Variants in PCNT observed in about 807,000 individuals in gnomAD.
PCNT encodes kendrin.
Under a neutral mutation model 380.4 loss-of-function variants are expected in PCNT, and 319 were observed. The observed-to-expected ratio is 0.84, with a 90% CI of 0.77 to 0.92. PCNT has a LOEUF of 0.92. Among genes scored for constraint, PCNT ranks in the 40% least tolerant of loss-of-function variants. The pLI, the probability that PCNT is intolerant of heterozygous loss-of-function variation, is 0.00. For synonymous variants in PCNT, 1,845 were observed against 1,735.2 expected (o/e 1.06, Z -1.57); for missense variants, 4,400 against 4,255.3 (o/e 1.03, Z -0.95).
intron 1 of PCNT, among the ~76,000 whole-genome samples, chr21:46,324,674 G>C (rs1361459687): frequency 6.6e-6 from 1 of 151,938 alleles, no homozygotes; most frequent in African/African-American, 2.4e-5. Flanking sequence ...GGCGCGGCAG[G>C]CGCTGGACCC....
At chr21:46,409,041 G>C (rs2086701956) in intron 27 of PCNT, among the ~76,000 whole-genome samples, 1 of 151,886 alleles carries the variant, frequency 6.6e-6, no homozygotes, top group Non-Finnish European at 1.5e-5. Flanking sequence ...GTTTTAAAAA[G>C]TTGGATTGTT....
intron 21 of PCNT, chr21:46,394,523 A>G: frequency 1.0e-6 from 1 of 985,324 alleles, no homozygotes; most frequent in Non-Finnish European, 1.2e-6. Context: ...TCACTGCAGC[A>G]CACAAGGACT....
chr21:46,425,708 C>T lies in PCNT; in HGVS notation c.7180-123C>T. On this transcript the variant is annotated intron_variant, in intron 32 of 46. Coordinates refer to ENST00000359568, the MANE Select transcript of PCNT (RefSeq NM_006031.6). This position sits in a 1 kb window ranked among gnomAD's most constrained non-coding sequence, Gnocchi z 4.2. ...GCCTGTACGAAGCCGAGGCGGTGCC[C>T]TCCCTCTCCACAGCTGCCCGCCCTT... 2 of 1,417,956 alleles carry T rather than the reference C, an allele frequency of 1.4e-6. No individual in the cohort carries two copies. Among genetic ancestry groups the T allele is most frequent in the Admixed American group, 1.7e-5 (1 of 59,494 alleles). 87.8% of individuals were successfully genotyped at this position (1,417,956 alleles called of 1,614,324 possible).
chr21:46,335,821 G>C (rs1430163165), intron 3 of PCNT, among the ~76,000 whole-genome samples: 6 of 151,766 alleles, frequency 4.0e-5, no homozygotes, highest in Admixed American at 3.9e-4. Context: ...AAGTAGCTGT[G>C]ATTATAAGCA....
At position 46,411,972 on chromosome 21, in the gene PCNT, C is replaced by G. The variant is rs1373576756; in HGVS notation, c.5899C>G (p.Gln1967Glu). ...CACACGGGTGCCCGGGGCCCACCCACAGCCTCGCATGGATGGTGGCGCCAA... is the reference window on the plus strand; with the variant it reads ...CACACGGGTGCCCGGGGCCCACCCAGAGCCTCGCATGGATGGTGGCGCCAA... ...AHTRVPGAHP[Q>E]PRMDGGAKAQ... The change falls in exon 28 of 47, where the codon CAG (glutamine) becomes GAG (glutamate). Residue 1967 changes from glutamine to glutamate, a missense_variant. Transcript: ENST00000359568. The G allele has an allele frequency of 2.5e-6, 4 of 1,602,056 alleles. No homozygotes were observed. In the South Asian group the frequency reaches 4.4e-5, roughly 18 times the overall value.
rs777772560 is a variant in PCNT at position 46,431,771 on chromosome 21, G to A, written c.8307G>A (p.Glu2769=). The change falls in exon 38 of 47, where the codon GAG becomes GAA. Residue 2769 remains glutamate (E), a synonymous_variant. Coordinates refer to ENST00000359568, the MANE Select transcript of PCNT (RefSeq NM_006031.6). ...TGCGGCACGAGCGGCTCCTGACCGAGCAGCTGAGCCAGAGGACACAGGAGG... is the reference window on the plus strand; with the variant it reads ...TGCGGCACGAGCGGCTCCTGACCGAACAGCTGAGCCAGAGGACACAGGAGG... The part of the protein sequence containing the change: ...EALRHERLLT[E]QLSQRTQEAC... 1 of 1,613,046 alleles carries A rather than the reference G, an allele frequency of 6.2e-7. No individual in the cohort carries two copies. Among genetic ancestry groups the A allele is most frequent in the East Asian group, 2.2e-5 (1 of 44,878 alleles).
intron 15 of PCNT, among the ~76,000 whole-genome samples, chr21:46,375,190 A>G (rs1260441233): frequency 6.6e-6 from 1 of 152,114 alleles, no homozygotes; most frequent in Non-Finnish European, 1.5e-5. Context: ...TGCTGGTAAC[A>G]CGACGCAGAG....
At chr21:46,427,875 G>A in intron 34 of PCNT, 80 bp downstream of exon 34, 1 of 1,496,380 alleles carries the variant, frequency 6.7e-7, no homozygotes, top group African/African-American at 1.4e-5. Context: ...AGACTGTTTT[G>A]TGTGTGAATT....
At position 46,349,063 on chromosome 21, in the gene PCNT, C is replaced by G. The variant is rs777707751; in HGVS notation, c.1084C>G (p.Arg362Gly). 6.2e-7 allele frequency: 1 copy of G among 1,606,712 alleles called. No homozygotes were observed. Reference sequence around the variant, plus strand: ...AAAAGATTTATGTTTAGAAAATCTACGCAAAGAACTGTCTGCAAAGCATCA... The same window carrying G: ...AAAAGATTTATGTTTAGAAAATCTAGGCAAAGAACTGTCTGCAAAGCATCA... ...SEKDLCLENL[R>G]KELSAKHQSE... The change falls in exon 7 of 47, where the codon CGC becomes GGC. Residue 362 changes from arginine (R) to glycine (G), a missense_variant. Coordinates refer to ENST00000359568, the MANE Select transcript of PCNT (RefSeq NM_006031.6).
intron 27 of PCNT, among the ~76,000 whole-genome samples, chr21:46,408,933 A>G (rs1443835483): frequency 6.6e-6 from 1 of 151,930 alleles, no homozygotes; most frequent in African/African-American, 2.4e-5. Flanking sequence ...CACGTTGGCC[A>G]GGCTGGTCTC....
In PCNT at chr21:46,399,759, T is replaced by C. The variant is rs1437656279; in HGVS notation, c.4754T>C (p.Val1585Ala). 1 of 1,613,734 alleles carries C rather than the reference T, an allele frequency of 6.2e-7. No homozygotes were observed. The highest frequency in any genetic ancestry group is 2.2e-5 in the East Asian group (1 of 44,862). ...RKKVAQLQEE[V>A]EKQKNIVKGL... The stretch of plus-strand genomic sequence containing the variant: ...AAAGTGGCCCAGCTCCAGGAAGAAG[T>C]GGAAAAACAGAAAAACATCGTGAAA... The change falls in exon 25 of 47, where the codon GTG becomes GCG. Residue 1585 changes from valine to alanine, a missense_variant. Transcript: ENST00000359568.
At chr21:46,330,858 C>T (rs1434157930) in intron 2 of PCNT, among the ~76,000 whole-genome samples, 2 of 152,174 alleles carry the variant, frequency 1.3e-5, no homozygotes, top group Non-Finnish European at 2.9e-5. Context: ...GGTCATGCTG[C>T]GTCGGAGATC....
At chr21:46,412,209 GA>G in intron 28 of PCNT, 142 bp downstream of exon 28, 5 of 997,152 alleles carry the variant, frequency 5.0e-6, no homozygotes, top group Non-Finnish European at 7.3e-6. Flanking sequence ...AAGGGGGCCT[GA>G]AGCTCGGGCC....
chr21:46,425,718 A>G lies in PCNT; in HGVS notation c.7180-113A>G, dbSNP rs1382823741. ...AGCCGAGGCGGTGCCCTCCCTCTCC[A>G]CAGCTGCCCGCCCTTCACAGAGTCC... On this transcript the variant is annotated intron_variant, in intron 32 of 46. Coordinates refer to ENST00000359568, the MANE Select transcript of PCNT (RefSeq NM_006031.6). This position sits in a 1 kb window ranked among gnomAD's most constrained non-coding sequence, Gnocchi z 4.2. 2 of 1,503,728 alleles carry G rather than the reference A, an allele frequency of 1.3e-6. No individual in the cohort carries two copies. Among genetic ancestry groups the G allele is most frequent in the African/African-American group, 2.7e-5 (2 of 72,744 alleles). The allele number at this position is 1,503,728 out of a possible 1,614,324, so 93.1% of individuals were successfully genotyped here. A position where few individuals can be genotyped will look rare whatever the true frequency, so the allele number is the denominator to read the frequency against.
chr21:46,338,120 C>G (rs945213437), intron 3 of PCNT, among the ~76,000 whole-genome samples: 1 of 152,076 alleles, frequency 6.6e-6, no homozygotes, highest in Admixed American at 6.5e-5. Context: ...CTCAAGTGAT[C>G]CTCCTGCCTC....
At chr21:46,332,851 G>A (rs1408097359) in intron 2 of PCNT, among the ~76,000 whole-genome samples, 1 of 152,220 alleles carries the variant, frequency 6.6e-6, no homozygotes, top group Non-Finnish European at 1.5e-5. Context: ...GCTCATGCCT[G>A]TATTGCCAGC....
At chr21:46,419,801 C>T (rs1056948496) in intron 31 of PCNT, among the ~76,000 whole-genome samples, 7 of 152,204 alleles carry the variant, frequency 4.6e-5, no homozygotes, top group Non-Finnish European at 8.8e-5. Flanking sequence ...AGTGCAGTGG[C>T]GTAGTCTCGA....
chr21:46,346,432 A>G (rs771410843), intron 4 of PCNT, among the ~76,000 whole-genome samples: 16 of 152,128 alleles, frequency 1.1e-4, no homozygotes, highest in Non-Finnish European at 1.2e-4. Context: ...TGAATGACAC[A>G]CTGACCTCAG....
rs1569201595 is a variant in PCNT, at chr21:46,363,732, C to T, written c.2407C>T (p.Gln803Ter). 6.2e-7 allele frequency: 1 copy of T among 1,614,216 alleles called. No homozygotes were observed. The highest frequency in any genetic ancestry group is 8.5e-7 in the Non-Finnish European group (1 of 1,180,036). The change falls in exon 14 of 47, where the codon CAG (glutamine) becomes TAG (stop). Residue 803 changes from glutamine (Q) to a stop codon, truncating the protein, a stop_gained. Transcript: ENST00000359568. LOFTEE classifies it high-confidence loss of function. ...EAEMRQLQDQ[Q>*]AAQILDLERS... Reference sequence around the variant, plus strand: ...TGAAATGAGGCAGCTTCAGGACCAACAGGCAGCCCAGATCCTGGATCTGGA... The same window carrying T: ...TGAAATGAGGCAGCTTCAGGACCAATAGGCAGCCCAGATCCTGGATCTGGA...
Sources: allele counts gnomAD v4.1 joint callset (sites outside exome capture counted in the v4.1 genomes callset), GRCh38; gene constraint gnomAD v4.1.1; non-coding constraint Gnocchi (gnomAD v3.1); transcripts MANE v1.5; gene names NCBI Gene and HGNC (gene_info 2026-07-23, HGNC 2026-07-21).